MACROD2: variants seen among roughly 807,000 people sequenced by gnomAD.
MACROD2 encodes the protein mono-ADP ribosylhydrolase 2.
MACROD2 carries 36 observed loss-of-function variants against 70.4 expected under a neutral mutation model. That is an observed-to-expected ratio of 0.51 (90% CI 0.39 to 0.68). MACROD2 has a LOEUF of 0.68. MACROD2 is among the 30% of genes least tolerant of loss of function. The pLI is 0.00. For missense variants in MACROD2, 496 were observed against 538.4 expected, an observed-to-expected ratio of 0.92 and a Z score of 0.78; for synonymous variants, 172 against 178.8, an observed-to-expected ratio of 0.96 and a Z score of 0.30.
At chr20:15,936,259 A>G (rs988157716) in intron 11 of MACROD2, among the ~76,000 whole-genome samples, 1 of 149,012 alleles carries the variant, frequency 6.7e-6, no homozygotes, top group African/African-American at 2.4e-5. Flanking sequence ...ATGCATATGT[A>G]ATGTGTGTGT....
intron 5 of MACROD2, among the ~76,000 whole-genome samples, chr20:14,957,354 A>G (rs2074546178): frequency 6.6e-6 from 1 of 152,216 alleles, no homozygotes; most frequent in African/African-American, 2.4e-5. Context: ...GACGAAAAGA[A>G]AACACGTTTC....
At chr20:14,214,478 C>A (rs919356150) in intron 3 of MACROD2, among the ~76,000 whole-genome samples, 4 of 151,902 alleles carry the variant, frequency 2.6e-5, no homozygotes, top group African/African-American at 9.7e-5. Context: ...ATAATCTTTT[C>A]TCTGCCTAAA....
In MACROD2 at chr20:14,600,438, C is replaced by T. The variant is rs537447630; in HGVS notation, c.302-84405C>T. Among the ~76,000 whole-genome samples the T allele has an allele frequency of 2.7e-4, 41 of 150,802 alleles. No individual in the cohort carries two copies. In the South Asian group the frequency reaches 8.6e-3, roughly 32 times the overall value. On this transcript the variant is annotated intron_variant, in intron 4 of 17. Coordinates refer to ENST00000684519, the MANE Select transcript of MACROD2 (RefSeq NM_001351661.2). ...GAGAACTCCAGAAAGAAAAAAAATA[C>T]AGTTAATGTTTTACTTTCTTTAATT...
intron 8 of MACROD2, among the ~76,000 whole-genome samples, chr20:15,859,683 C>G (rs914467336): frequency 1.3e-5 from 2 of 151,872 alleles, no homozygotes; most frequent in African/African-American, 4.8e-5. Flanking sequence ...CCGTGTTATG[C>G]CTAAGGGTAA....
chr20:15,400,914 A>G (rs1450901589), intron 6 of MACROD2, among the ~76,000 whole-genome samples: 1 of 152,304 alleles, frequency 6.6e-6, no homozygotes, highest in South Asian at 2.1e-4. Context: ...AGGGAAGAGA[A>G]ATGACAGAAG....
At chr20:15,692,905 G>C (rs2050316538) in intron 8 of MACROD2, among the ~76,000 whole-genome samples, 1 of 152,142 alleles carries the variant, frequency 6.6e-6, no homozygotes, top group Admixed American at 6.5e-5. Flanking sequence ...GATTATGAGA[G>C]CAGTTTCCCC....
intron 3 of MACROD2, chr20:14,329,477 A>G (rs1277145563): frequency 6.6e-6 from 1 of 152,094 alleles, no homozygotes; most frequent in Non-Finnish European, 1.5e-5. Context: ...CTTTGTTTTT[A>G]GACTTCTCAT....
chr20:15,203,570 A>G (rs535140362), intron 5 of MACROD2, among the ~76,000 whole-genome samples: 5 of 152,190 alleles, frequency 3.3e-5, no homozygotes, highest in African/African-American at 1.2e-4. Context: ...GGTACCTTTT[A>G]CTCAATATCC....
chr20:14,719,511 T>G (rs2071439355), intron 5 of MACROD2, among the ~76,000 whole-genome samples: 1 of 142,906 alleles, frequency 7.0e-6, no homozygotes, highest in African/African-American at 2.6e-5. Flanking sequence ...AAAAAGAAAA[T>G]AAAGAAAGAA....
At chr20:15,305,900 CTG>C (rs1254501809) in intron 6 of MACROD2, among the ~76,000 whole-genome samples, 2 of 152,122 alleles carry the variant, frequency 1.3e-5, no homozygotes, top group Non-Finnish European at 2.9e-5. Context: ...TTTAAAGAAA[CTG>C]TGAACATACT....
At chr20:15,570,006 T>C (rs2048356632) in intron 8 of MACROD2, among the ~76,000 whole-genome samples, 1 of 152,164 alleles carries the variant, frequency 6.6e-6, no homozygotes, top group Non-Finnish European at 1.5e-5. Flanking sequence ...ATCTACTTGG[T>C]AGTGGGATTG....
intron 15 of MACROD2, among the ~76,000 whole-genome samples, chr20:16,028,547 T>C (rs998530001): frequency 1.8e-4 from 27 of 152,218 alleles, no homozygotes; most frequent in African/African-American, 6.5e-4. Context: ...GATCTCGTGC[T>C]CACCCTCAGC....
chr20:15,417,221 T>A (rs1438513764), intron 6 of MACROD2, among the ~76,000 whole-genome samples: 2 of 152,100 alleles, frequency 1.3e-5, no homozygotes, highest in African/African-American at 4.8e-5. Context: ...CAGTCTGGGC[T>A]ACAATTATCT....
Position 14,354,751 on chromosome 20 carries a change from C to T in MACROD2, c.272-138728C>T, listed in dbSNP as rs3950058. 5.6e-3 allele frequency among the ~76,000 whole-genome samples: 846 copies of T among 152,172 alleles called. 10 individuals carry two copies. The highest frequency in any genetic ancestry group is 0.024 in the Admixed American group (374 of 15,280). On this transcript the variant is annotated intron_variant, in intron 3 of 17. Coordinates refer to ENST00000684519, the MANE Select transcript of MACROD2 (RefSeq NM_001351661.2). ...AACAGTTAGTTTTTCAACCCTTGTTCCCCTCTCTCCCTTCCTTCTCTAGTA... is the reference window on the plus strand; with the variant it reads ...AACAGTTAGTTTTTCAACCCTTGTTTCCCTCTCTCCCTTCCTTCTCTAGTA...
At chr20:14,959,451 T>C (rs1033590525) in intron 5 of MACROD2, among the ~76,000 whole-genome samples, 1 of 152,016 alleles carries the variant, frequency 6.6e-6, no homozygotes, top group African/African-American at 2.4e-5. Context: ...CTTCCCACCA[T>C]TCCTGCCAGC....
intron 5 of MACROD2, among the ~76,000 whole-genome samples, chr20:15,001,576 T>C (rs1261587791): frequency 1.3e-5 from 2 of 152,178 alleles, no homozygotes; most frequent in Non-Finnish European, 2.9e-5. Context: ...TGCAATATGC[T>C]ATGTCCATTT....
chr20:14,298,524 C>T (rs6105241), intron 3 of MACROD2, among the ~76,000 whole-genome samples: 3,469 of 150,182 alleles, frequency 0.023, 199 homozygotes, highest in African/African-American at 0.082. Flanking sequence ...CCCAAGATTG[C>T]GCCATTGCAC....
chr20:15,260,016 A>T (rs752159478), intron 6 of MACROD2, among the ~76,000 whole-genome samples: 1 of 151,948 alleles, frequency 6.6e-6, no homozygotes, highest in Non-Finnish European at 1.5e-5. Context: ...GATGCATAAT[A>T]GTTGTACATA....
At chr20:14,454,749 C>CTTTTT (rs11087091) in intron 3 of MACROD2, among the ~76,000 whole-genome samples, 3 of 80,644 alleles carry the variant, frequency 3.7e-5, no homozygotes, top group African/African-American at 5.4e-5. Context: ...TCTCTACACT[C>CTTTTT]TTTTTTTTTT....
Sources: gnomAD v4.1 joint callset for allele counts (sites outside exome capture counted in the v4.1 genomes callset) on GRCh38, gnomAD v4.1.1 for gene constraint, MANE v1.5 for transcripts, NCBI Gene and HGNC (gene_info 2026-07-23, HGNC 2026-07-21) for gene names.